The following TREX2 variants were observed in gnomAD, a reference collection of about 807,000 sequenced individuals.
TREX2 encodes 3'-5' exonuclease TREX2 long form.
For missense variants in TREX2, 242 were observed against 235.3 expected, an observed-to-expected ratio of 1.03 and a Z score of -0.19; for synonymous variants, 121 against 112.1, an observed-to-expected ratio of 1.08 and a Z score of -0.50.
Position 153,445,696 on chromosome X carries a change from A to T in TREX2, c.-65-201T>A, listed in dbSNP as rs929809639. On this transcript the variant is annotated intron_variant, in intron 1 of 1. Transcript: ENST00000370231. ...CGCTCTACTGCCTGCCTCCAGCCACAGTCCCCAGCAGGGATTGGGAGAGGC... is the reference window on the plus strand; with the variant it reads ...CGCTCTACTGCCTGCCTCCAGCCACTGTCCCCAGCAGGGATTGGGAGAGGC... 20 of 496,048 alleles carry T rather than the reference A, an allele frequency of 4.0e-5. No homozygotes were observed. In the Admixed American group the frequency reaches 5.3e-4, roughly 13 times the overall value. 40.9% of individuals were successfully genotyped at this position (496,048 alleles called of 1,213,427 possible).
rs1569530211 is a variant in TREX2, at chrX:153,445,209, G to A, written c.222C>T (p.Ala74=). 1.7e-6 allele frequency: 2 copies of A among 1,206,804 alleles called. No homozygotes were observed. The highest frequency in any genetic ancestry group is 2.2e-6 in the Non-Finnish European group (2 of 892,802). Residue 74 remains alanine (A), a synonymous_variant, in exon 2 of 2, where the codon GCC becomes GCT. Coordinates refer to ENST00000370231, the MANE Select transcript of TREX2 (RefSeq NM_080701.4). ...CACTGCTCAGGCCGGTGATCTCGCT[G>A]GCCTTGGCAGTGAAGGGGCGCTCCG... ...MCPERPFTAK[A]SEITGLSSEG... is the part of the protein sequence containing the mutation.
chrX:153,444,976 C>T lies in TREX2; in HGVS notation c.455G>A (p.Arg152Gln), dbSNP rs1386435209. The change falls in exon 2 of 2, where the codon CGG becomes CAG. Residue 152 changes from arginine (R) to glutamine (Q), a missense_variant. Coordinates refer to ENST00000370231, the MANE Select transcript of TREX2 (RefSeq NM_080701.4). ...GTGGCTGTGGGCGCGGTCCAGGCCCCGCAGGGCCGGCAGCGTGTCCAGGCA... is the reference window on the plus strand; with the variant it reads ...GTGGCTGTGGGCGCGGTCCAGGCCCTGCAGGGCCGGCAGCGTGTCCAGGCA... ...TVCLDTLPAL[R>Q]GLDRAHSHGT... is the part of the protein sequence containing the mutation. 2.5e-6 allele frequency: 3 copies of T among 1,180,883 alleles called. No homozygotes were observed. The highest frequency in any genetic ancestry group is 2.3e-6 in the Non-Finnish European group (2 of 880,145).
Position 153,444,803 on chromosome X carries a change from C to A in TREX2, c.628G>T (p.Ala210Ser). 8.3e-7 allele frequency: 1 copy of A among 1,198,403 alleles called. No individual in the cohort carries two copies. The highest frequency in any genetic ancestry group is 1.1e-6 in the Non-Finnish European group (1 of 889,720). Residue 210 changes from alanine to serine, a missense_variant, in exon 2 of 2, where the codon GCC (alanine) becomes TCC (serine). Coordinates refer to ENST00000370231, the MANE Select transcript of TREX2 (RefSeq NM_080701.4). ...IFLHRAAELLAWADEQARGWA... is the reference protein window; with the variant it reads ...IFLHRAAELLSWADEQARGWA... The stretch of plus-strand genomic sequence containing the variant: ...CCACGGGCCTGCTCATCGGCCCAGG[C>A]GAGCAGCTCTGCGGCGCGGTGCAGG...
chrX:153,445,797 T>C (rs533718948), intron 1 of TREX2, among the ~76,000 whole-genome samples: 39 of 112,826 alleles, frequency 3.5e-4, no homozygotes, highest in Non-Finnish European at 5.3e-4. Context: ...ACCTGGGGCA[T>C]AGCACACTGG....
rs782289254 is a variant in TREX2, at chrX:153,445,177, A to G, written c.254T>C (p.Leu85Pro). Residue 85 changes from leucine to proline, a missense_variant, in exon 2 of 2, where the codon CTG (leucine) becomes CCG (proline). Leu to Pro is a moderately conservative substitution (Grantham distance 98). Transcript: ENST00000370231. Reference sequence around the variant, plus strand: ...AAAGCCAGCCTTCCGGCATCGCGCCAGGCCCTCACTGCTCAGGCCGGTGAT... The same window carrying G: ...AAAGCCAGCCTTCCGGCATCGCGCCGGGCCCTCACTGCTCAGGCCGGTGAT... ...SEITGLSSEG[L>P]ARCRKAGFDG... 8.3e-7 allele frequency: 1 copy of G among 1,209,959 alleles called. No homozygotes were observed. The highest frequency in any genetic ancestry group is 1.8e-5 in the South Asian group (1 of 56,649).
In TREX2 at chrX:153,445,444, C is replaced by T. The variant is rs782442460; in HGVS notation, c.-14G>A. 19 of 1,112,368 alleles carry T rather than the reference C, an allele frequency of 1.7e-5. No individual in the cohort carries two copies. In the Admixed American group the frequency reaches 3.8e-4, roughly 23 times the overall value. The allele number at this position is 1,112,368 out of a possible 1,213,427, so 91.7% of individuals were successfully genotyped here. A position where few individuals can be genotyped will look rare whatever the true frequency, so the allele number is the denominator to read the frequency against. On this transcript the variant is annotated 5_prime_UTR_variant, in exon 2 of 2. It adds an upstream start codon to the 5' untranslated region. Transcript: ENST00000370231. The stretch of plus-strand genomic sequence containing the variant: ...TGCCTCGGACATGGTGATGTTCCCA[C>T]GGGGATAGCAAGTCCTCAAACTGTC...
chrX:153,444,731 G>T lies in TREX2; in HGVS notation c.700C>A (p.Leu234Met). ...GGTGGCCCTGGTGCTCAGGCCTCCA[G>T]GCTGGGGTCATCAGGCGGCAAGTAC... ...PMYLPPDDPS[L>M]EA Residue 234 changes from leucine (L) to methionine (M), a missense_variant, in exon 2 of 2, where the codon CTG (leucine) becomes ATG (methionine). By Grantham distance (15) the Leu-to-Met change is conservative (BLOSUM62 2). Transcript: ENST00000370231. 8.4e-7 allele frequency: 1 copy of T among 1,188,044 alleles called. No individual in the cohort carries two copies. The highest frequency in any genetic ancestry group is 1.1e-6 in the Non-Finnish European group (1 of 885,121).
In TREX2 at chrX:153,444,655, G is replaced by A; in HGVS notation, c.*65C>T. On this transcript the variant is annotated 3_prime_UTR_variant, in exon 2 of 2. Transcript: ENST00000370231. ...GCTGCCCAGATAGGAGGAGCCGGGG[G>A]TGGTAGAGGCCAGCTGAACGGTGGA... The A allele has an allele frequency of 1.8e-6, 2 of 1,118,242 alleles. No individual in the cohort carries two copies. The highest frequency in any genetic ancestry group is 1.8e-5 in the African/African-American group (1 of 55,528). 92.2% of individuals were successfully genotyped at this position (1,118,242 alleles called of 1,213,427 possible).
chrX:153,444,885 T>C lies in TREX2; in HGVS notation c.546A>G (p.Ala182=), dbSNP rs782046602. Residue 182 remains alanine (A), a synonymous_variant, in exon 2 of 2, where the codon GCA becomes GCG. Coordinates refer to ENST00000370231, the MANE Select transcript of TREX2 (RefSeq NM_080701.4). The part of the protein sequence containing the change: ...LGSLFHRYFR[A]EPSAAHSAEG... Reference sequence around the variant, plus strand: ...CGGCTGAGTGGGCTGCGCTTGGCTCTGCCCGGAAGTAGCGGTGGAAGAGGC... The same window carrying C: ...CGGCTGAGTGGGCTGCGCTTGGCTCCGCCCGGAAGTAGCGGTGGAAGAGGC... 3.7e-5 allele frequency: 45 copies of C among 1,203,989 alleles called. No individual in the cohort carries two copies. The highest frequency in any genetic ancestry group is 4.6e-5 in the Non-Finnish European group (41 of 892,556).
chrX:153,444,895 T>G lies in TREX2; in HGVS notation c.536A>C (p.Tyr179Ser), dbSNP rs781944439. 2 of 1,203,299 alleles carry G rather than the reference T, an allele frequency of 1.7e-6. No individual in the cohort carries two copies. The highest frequency in any genetic ancestry group is 3.5e-5 in the African/African-American group (2 of 57,419). The change falls in exon 2 of 2, where the codon TAC becomes TCC. Residue 179 changes from tyrosine to serine, a missense_variant. Coordinates refer to ENST00000370231, the MANE Select transcript of TREX2 (RefSeq NM_080701.4). ...GGCTGCGCTTGGCTCTGCCCGGAAG[T>G]AGCGGTGGAAGAGGCTGCCGAGGCT... ...GYSLGSLFHR[Y>S]FRAEPSAAHS...
At position 153,444,950 on chromosome X, in the gene TREX2, C is replaced by G. The variant is rs200659060; in HGVS notation, c.481G>C (p.Gly161Arg). 4.2e-6 allele frequency: 5 copies of G among 1,190,447 alleles called. No individual in the cohort carries two copies. In the South Asian group the frequency reaches 7.4e-5, roughly 18 times the overall value. The change falls in exon 2 of 2, where the codon GGC (glycine) becomes CGC (arginine). Residue 161 changes from glycine (G) to arginine (R), a missense_variant. Physicochemically the swap from Gly to Arg is moderately radical, Grantham distance 125. Coordinates refer to ENST00000370231, the MANE Select transcript of TREX2 (RefSeq NM_080701.4). ...LRGLDRAHSH[G>R]TRARGRQGYS... ...CCCTGGCGGCCCCGGGCCCGGGTGC[C>G]GTGGCTGTGGGCGCGGTCCAGGCCC...
In TREX2 at chrX:153,444,988, A is replaced by G. The variant is rs1556979308; in HGVS notation, c.443T>C (p.Leu148Pro). 4 of 1,176,722 alleles carry G rather than the reference A, an allele frequency of 3.4e-6. No individual in the cohort carries two copies. Among genetic ancestry groups the G allele is most frequent in the Non-Finnish European group, 4.6e-6 (4 of 878,290 alleles). ...GCGGTCCAGGCCCCGCAGGGCCGGC[A>G]GCGTGTCCAGGCAGACAGTGTCCCG... The part of the protein sequence containing the change: ...LPRDTVCLDT[L>P]PALRGLDRAH... The change falls in exon 2 of 2, where the codon CTG (leucine) becomes CCG (proline). Residue 148 changes from leucine (L) to proline (P), a missense_variant. Transcript: ENST00000370231.
intron 1 of TREX2, chrX:153,445,699 C>T: frequency 8.0e-6 from 4 of 497,743 alleles, no homozygotes; most frequent in Middle Eastern, 3.2e-4. Context: ...CAGCCACAGT[C>T]CCCAGCAGGG....
Position 153,444,939 on chromosome X carries a change from G to A in TREX2, c.492C>T (p.Ala164=), listed in dbSNP as rs782077479. 1 of 1,191,808 alleles carries A rather than the reference G, an allele frequency of 8.4e-7. No homozygotes were observed. Among genetic ancestry groups the A allele is most frequent in the African/African-American group, 1.7e-5 (1 of 57,420 alleles). Residue 164 remains alanine (A), a synonymous_variant, in exon 2 of 2, where the codon GCC becomes GCT. Coordinates refer to ENST00000370231, the MANE Select transcript of TREX2 (RefSeq NM_080701.4). The stretch of plus-strand genomic sequence containing the variant: ...CGAGGCTGTAACCCTGGCGGCCCCG[G>A]GCCCGGGTGCCGTGGCTGTGGGCGC... ...LDRAHSHGTR[A]RGRQGYSLGS...
chrX:153,445,587 C>T (rs1556979585), intron 1 of TREX2, 92 bp from the exon 2 acceptor site: 2 of 561,849 alleles, frequency 3.6e-6, no homozygotes, highest in South Asian at 2.4e-5. Context: ...CTGCCACCCC[C>T]GACCACAGCA....
Position 153,445,507 on chromosome X carries a change from G to A in TREX2, c.-65-12C>T. The A allele has an allele frequency of 1.0e-6, 1 of 966,272 alleles. No individual in the cohort carries two copies. The highest frequency in any genetic ancestry group is 1.4e-6 in the Non-Finnish European group (1 of 711,078). The allele number at this position is 966,272 out of a possible 1,213,427, so 79.6% of individuals were successfully genotyped here. ...ACAAACCCTGAGGACTGGAGAGAGG[G>A]GTTCGCCCGGGCCCTGCTGTGTACC... On this transcript the variant is annotated splice_polypyrimidine_tract_variant and intron_variant, in intron 1 of 1. Coordinates refer to ENST00000370231, the MANE Select transcript of TREX2 (RefSeq NM_080701.4).
At position 153,445,386 on chromosome X, in the gene TREX2, C is replaced by G; in HGVS notation, c.45G>C (p.Leu15=). The change falls in exon 2 of 2, where the codon CTG becomes CTC. Residue 15 remains leucine, a synonymous_variant. Coordinates refer to ENST00000370231, the MANE Select transcript of TREX2 (RefSeq NM_080701.4). ...CCACACTGGGGAGCCCAGTGGCTTC[C>G]AGGTCCAGGAAGACAAAGGTCTCGG... ...PRAETFVFLD[L]EATGLPSVEP... 1 of 1,168,923 alleles carries G rather than the reference C, an allele frequency of 8.6e-7. No homozygotes were observed. The highest frequency in any genetic ancestry group is 1.1e-6 in the Non-Finnish European group (1 of 874,831).
rs1556979149 is a variant in TREX2, at chrX:153,444,689, C to T, written c.*31G>A. 8.6e-7 allele frequency: 1 copy of T among 1,165,656 alleles called. No homozygotes were observed. The highest frequency in any genetic ancestry group is 2.6e-5 in the Admixed American group (1 of 39,046). ...GCCAGCTGAACGGTGGAGGCTGGCA[C>T]TGTCCATGGCACAGGAGGTGGCCCT... On this transcript the variant is annotated 3_prime_UTR_variant, in exon 2 of 2. Transcript: ENST00000370231.
rs1428364381 is a variant in TREX2, at chrX:153,444,522, C to T, written c.*198G>A. Among the ~76,000 whole-genome samples the T allele has an allele frequency of 1.3e-4, 15 of 113,024 alleles. No individual in the cohort carries two copies. In the Admixed American group the frequency reaches 1.4e-3, roughly 10 times the overall value. On this transcript the variant is annotated 3_prime_UTR_variant, in exon 2 of 2. Coordinates refer to ENST00000370231, the MANE Select transcript of TREX2 (RefSeq NM_080701.4). ...GAAACAGCAAACTCTGCTGGGCACC[C>T]AGGCCAGCCGGGAGAGCACGGCCCT...
Sources: gnomAD v4.1 joint callset for allele counts (sites outside exome capture counted in the v4.1 genomes callset) on GRCh38, gnomAD v4.1.1 for gene constraint, MANE v1.5 for transcripts, NCBI Gene and HGNC (gene_info 2026-07-23, HGNC 2026-07-21) for gene names.